PALD1: variants seen among roughly 807,000 people sequenced by gnomAD.
The protein encoded by PALD1 is paladin.
Under a neutral mutation model 96.0 loss-of-function variants are expected in PALD1, and 57 were observed. The observed-to-expected ratio is 0.59, with a 90% CI of 0.48 to 0.74. The LOEUF is 0.74. Ranked by LOEUF, PALD1 falls within the 30% of genes least tolerant of loss-of-function variation. PALD1 has a pLI of 0.00. For synonymous variants in PALD1, 464 were observed against 473.6 expected (o/e 0.98, Z 0.26); for missense variants, 1,063 against 1,143.7 (o/e 0.93, Z 1.02).
intron 2 of PALD1, 79 bp downstream of exon 2, chr10:70,526,215 A>G: frequency 8.7e-7 from 1 of 1,148,800 alleles, no homozygotes; most frequent in South Asian, 1.4e-5. Flanking sequence ...GCAGTGGCAT[A>G]CAGCACTTAA....
At chr10:70,546,573 A>G (rs1025827746) in intron 17 of PALD1, among the ~76,000 whole-genome samples, 31 of 152,218 alleles carry the variant, frequency 2.0e-4, no homozygotes, top group Admixed American at 1.6e-3. Context: ...TGTGCAAGAC[A>G]TTAAGTTGTG....
At chr10:70,499,087 A>G (rs575153754) in intron 1 of PALD1, among the ~76,000 whole-genome samples, 1 of 152,280 alleles carries the variant, frequency 6.6e-6, no homozygotes, top group East Asian at 1.9e-4. Flanking sequence ...TGAAGTAGGT[A>G]TTAACATTAT....
intron 1 of PALD1, among the ~76,000 whole-genome samples, chr10:70,516,376 C>T (rs1012359584): frequency 1.2e-4 from 18 of 152,160 alleles, no homozygotes; most frequent in East Asian, 1.9e-4. Context: ...TCAAGTGATC[C>T]GCCCACCTCA....
In PALD1 at chr10:70,529,256, C is replaced by G. The variant is rs775134974; in HGVS notation, c.213C>G (p.Ile71Met). Residue 71 changes from isoleucine to methionine, a missense_variant, in exon 3 of 20, where the codon ATC becomes ATG. Transcript: ENST00000263563. ...ITYNCKEEFQ[I>M]HDELLKAHYT... ...ACAACTGCAAGGAGGAGTTCCAGAT[C>G]CATGATGAGCTGCTCAAGGCTCATT... 3.4e-6 allele frequency: 4 copies of G among 1,162,668 alleles called. No individual in the cohort carries two copies. Among genetic ancestry groups the G allele is most frequent in the Non-Finnish European group, 4.8e-6 (4 of 841,950 alleles). 72.0% of individuals were successfully genotyped at this position (1,162,668 alleles called of 1,614,324 possible). A position where few individuals can be genotyped will look rare whatever the true frequency, so the allele number is the denominator to read the frequency against.
At chr10:70,526,210 G>A in intron 2 of PALD1, 74 bp downstream of exon 2, 1 of 1,237,848 alleles carries the variant, frequency 8.1e-7, no homozygotes, top group African/African-American at 1.5e-5. Context: ...GGGGTGCAGT[G>A]GCATACAGCA....
chr10:70,512,042 A>AT (rs778696112), intron 1 of PALD1, among the ~76,000 whole-genome samples: 1 of 152,126 alleles, frequency 6.6e-6, no homozygotes, highest in Non-Finnish European at 1.5e-5. Flanking sequence ...GAAAAAAAAA[A>AT]GGCATTGAAT....
At chr10:70,515,984 G>A (rs1285372923) in intron 1 of PALD1, among the ~76,000 whole-genome samples, 1 of 152,156 alleles carries the variant, frequency 6.6e-6, no homozygotes, top group Non-Finnish European at 1.5e-5. Flanking sequence ...GCCTCTAACA[G>A]ATATTTATTA....
intron 1 of PALD1, among the ~76,000 whole-genome samples, chr10:70,503,734 T>G (rs1251120127): frequency 2.0e-5 from 3 of 152,228 alleles, no homozygotes; most frequent in Non-Finnish European, 4.4e-5. Flanking sequence ...TTTTTTCTGA[T>G]TGGTCAAAAG....
At chr10:70,532,512 C>T in intron 5 of PALD1, 109 bp from the exon 6 acceptor site, 1 of 1,103,246 alleles carries the variant, frequency 9.1e-7, no homozygotes, top group South Asian at 1.5e-5. Context: ...GGGGCAGAAG[C>T]CTGCCTGTGG....
chr10:70,465,659 C>G, the PALD1 span, among the ~76,000 whole-genome samples: 1 of 152,148 alleles, frequency 6.6e-6, no homozygotes, highest in East Asian at 1.9e-4. Context: ...GACTCCAAAG[C>G]CTGACACCCT....
rs142343987 is a variant in PALD1 at position 70,497,773 on chromosome 10, T to C, written c.-30+18714T>C. ...TGTATTTTTAGTAGAAACAGCGTTT[T>C]ACCATGTTAACCAGGATGGTCTTGA... On this transcript the variant is annotated intron_variant, in intron 1 of 19. Coordinates refer to ENST00000263563, the MANE Select transcript of PALD1 (RefSeq NM_014431.3). Among the ~76,000 whole-genome samples the C allele has an allele frequency of 5.7e-3, 874 of 152,108 alleles. 6 individuals carry two copies. Among genetic ancestry groups the C allele is most frequent in the East Asian group, 0.011 (55 of 5,166 alleles).
chr10:70,558,681 G>T (rs1343814695), intron 18 of PALD1, among the ~76,000 whole-genome samples: 3 of 143,666 alleles, frequency 2.1e-5, no homozygotes. Context: ...AAGAATTTTA[G>T]CAAATTCTTG....
the PALD1 span, among the ~76,000 whole-genome samples, chr10:70,473,142 C>T: frequency 3.9e-5 from 6 of 152,300 alleles, no homozygotes; most frequent in Admixed American, 1.3e-4. Context: ...AATGCACCCA[C>T]GTCTCCCCAC....
intron 17 of PALD1, among the ~76,000 whole-genome samples, chr10:70,543,753 G>A (rs1398823544): frequency 6.6e-6 from 1 of 152,126 alleles, no homozygotes; most frequent in Non-Finnish European, 1.5e-5. Flanking sequence ...TGAATGTGAT[G>A]GTCAGGCCTC....
At position 70,564,438 on chromosome 10, in the gene PALD1, C is replaced by T. The variant is rs746339562; in HGVS notation, c.2337C>T (p.Val779=). Residue 779 remains valine, a synonymous_variant, in exon 19 of 20, where the codon GTC becomes GTT. Coordinates refer to ENST00000263563, the MANE Select transcript of PALD1 (RefSeq NM_014431.3). ...LRSLQYLERY[V]CLILFNAYLH... The stretch of plus-strand genomic sequence containing the variant: ...GCCTGCAGTACTTGGAGCGCTATGT[C>T]TGCCTGATTCTCTTCAACGCGTACC... 1 of 1,614,144 alleles carries T rather than the reference C, an allele frequency of 6.2e-7. No individual in the cohort carries two copies. Among genetic ancestry groups the T allele is most frequent in the South Asian group, 1.1e-5 (1 of 91,088 alleles).
At chr10:70,562,979 C>G (rs1371848852) in intron 18 of PALD1, among the ~76,000 whole-genome samples, 3 of 152,166 alleles carry the variant, frequency 2.0e-5, no homozygotes, top group African/African-American at 4.8e-5. Context: ...TAACAAGTCA[C>G]TCATACTCTC....
intron 2 of PALD1, among the ~76,000 whole-genome samples, chr10:70,528,195 C>T (rs1222202594): frequency 6.6e-6 from 1 of 152,280 alleles, no homozygotes; most frequent in East Asian, 1.9e-4. Flanking sequence ...AGATCATTAA[C>T]TCTGGGAGGC....
In PALD1 at chr10:70,547,286, C is replaced by G. The variant is rs756437131; in HGVS notation, c.2122-20C>G. 13 of 1,611,002 alleles carry G rather than the reference C, an allele frequency of 8.1e-6. No individual in the cohort carries two copies. The highest frequency in any genetic ancestry group is 1.1e-5 in the Non-Finnish European group (13 of 1,177,498). ...CTCTTACCAGTTTTATGTCTGCTCA[C>G]CCCCCTTCTCTGGCCCCAGGTAGTA... On this transcript the variant is annotated intron_variant, in intron 17 of 19. Coordinates refer to ENST00000263563, the MANE Select transcript of PALD1 (RefSeq NM_014431.3).
rs935346910 is a variant in PALD1, at chr10:70,540,549, G to A, written c.1909-553G>A. Among the ~76,000 whole-genome samples the A allele has an allele frequency of 3.3e-5, 5 of 152,186 alleles. No homozygotes were observed. The highest frequency in any genetic ancestry group is 7.4e-5 in the Non-Finnish European group (5 of 67,976). On this transcript the variant is annotated intron_variant, in intron 15 of 19. Transcript: ENST00000263563. This position sits in a 1 kb window ranked among gnomAD's most constrained non-coding sequence, Gnocchi z 4.2. ...AGGTGAGCCACCGTGTGCGTGGTGC[G>A]TGTGTTGTAGGTGGGTCGCTGTGTG...
Sources: allele counts gnomAD v4.1 joint callset (sites outside exome capture counted in the v4.1 genomes callset), GRCh38; gene constraint gnomAD v4.1.1; non-coding constraint Gnocchi (gnomAD v3.1); transcripts MANE v1.5; gene names NCBI Gene and HGNC (gene_info 2026-07-23, HGNC 2026-07-21).